CHSY1: variants seen among roughly 807,000 people sequenced by gnomAD.
The protein encoded by CHSY1 is chondroitin sulfate synthase 1.
Under a neutral mutation model 59.8 loss-of-function variants are expected in CHSY1, and 13 were observed. That is an observed-to-expected ratio of 0.22 (90% CI 0.14 to 0.35). The LOEUF is 0.35. Ranked by LOEUF, CHSY1 falls within the 10% of genes least tolerant of loss-of-function variation. The pLI, the probability that CHSY1 is intolerant of heterozygous loss-of-function variation, is 1.00. For synonymous variants in CHSY1, 459 were observed against 401.2 expected, an observed-to-expected ratio of 1.14 and a Z score of -1.72; for missense variants, 947 against 1,030.6, an observed-to-expected ratio of 0.92 and a Z score of 1.11.
At chr15:101,192,930 C>A in intron 2 of CHSY1, among the ~76,000 whole-genome samples, 1 of 152,204 alleles carries the variant, frequency 6.6e-6, no homozygotes, top group Non-Finnish European at 1.5e-5. Context: ...CTTATTACCA[C>A]TCCTCTCCCA....
At chr15:101,209,468 A>G (rs2038661504) in intron 2 of CHSY1, among the ~76,000 whole-genome samples, 1 of 152,200 alleles carries the variant, frequency 6.6e-6, no homozygotes, top group East Asian at 1.9e-4. Flanking sequence ...AGCGATATAT[A>G]CCTGTATGCC....
At chr15:101,204,829 C>G (rs1194918174) in intron 2 of CHSY1, among the ~76,000 whole-genome samples, 1 of 152,138 alleles carries the variant, frequency 6.6e-6, no homozygotes, top group Non-Finnish European at 1.5e-5. Context: ...TGCTTGAACC[C>G]AGGAGCCGAA....
chr15:101,199,498 G>A (rs902844658), intron 2 of CHSY1, among the ~76,000 whole-genome samples: 12 of 152,262 alleles, frequency 7.9e-5, no homozygotes, highest in African/African-American at 2.6e-4. Flanking sequence ...GTGAGACTCC[G>A]TCTCAAAAAC....
chr15:101,249,510 A>AT (rs34753057), intron 1 of CHSY1, among the ~76,000 whole-genome samples: 5,144 of 112,948 alleles, frequency 0.046, 421 homozygotes, highest in East Asian at 0.21. Context: ...GATAGATAGA[A>AT]TTTTTTTTTT....
In CHSY1 at chr15:101,196,995, T is replaced by C. The variant is rs142488708; in HGVS notation, c.817-18015A>G. Reference sequence around the variant, plus strand: ...AGCATGTTTAGTCTTAATTCTTTTATTCTTTGTTTACCTACTTCACAAGTA... The same window carrying C: ...AGCATGTTTAGTCTTAATTCTTTTACTCTTTGTTTACCTACTTCACAAGTA... On this transcript the variant is annotated intron_variant, in intron 2 of 2. Coordinates refer to ENST00000254190, the MANE Select transcript of CHSY1 (RefSeq NM_014918.5). Among the ~76,000 whole-genome samples the C allele has an allele frequency of 3.9e-3, 590 of 152,394 alleles. 2 individuals are homozygous for C. Among genetic ancestry groups the C allele is most frequent in the Non-Finnish European group, 5.8e-3 (392 of 68,038 alleles).
chr15:101,233,349 TTC>T (rs908784061), intron 2 of CHSY1, among the ~76,000 whole-genome samples: 1 of 152,094 alleles, frequency 6.6e-6, no homozygotes, highest in African/African-American at 2.4e-5. Flanking sequence ...CTTTTAAAAA[TTC>T]TCTCCCGAAA....
intron 1 of CHSY1, among the ~76,000 whole-genome samples, chr15:101,238,913 A>C (rs1290435686): frequency 6.6e-6 from 1 of 152,218 alleles, no homozygotes; most frequent in African/African-American, 2.4e-5. Context: ...CCACCTACAA[A>C]GGGACAAGTC....
chr15:101,247,226 T>C (rs975283518), intron 1 of CHSY1, among the ~76,000 whole-genome samples: 7 of 152,280 alleles, frequency 4.6e-5, no homozygotes, highest in Admixed American at 4.6e-4. Context: ...ACTGGCCTTC[T>C]TGGTGTTCCT....
chr15:101,204,298 G>C (rs943981137), intron 2 of CHSY1, among the ~76,000 whole-genome samples: 1 of 152,076 alleles, frequency 6.6e-6, no homozygotes, highest in Admixed American at 6.5e-5. Flanking sequence ...GCTGGGCGTG[G>C]TGGCGTGCAC....
Position 101,177,826 on chromosome 15 carries a change from T to A in CHSY1, c.1971A>T (p.Pro657=). The A allele has an allele frequency of 1.9e-6, 3 of 1,614,224 alleles. No individual in the cohort carries two copies. Among genetic ancestry groups the A allele is most frequent in the Non-Finnish European group, 2.5e-6 (3 of 1,180,036 alleles). The change falls in exon 3 of 3, where the codon CCA becomes CCT. Residue 657 remains proline (P), a synonymous_variant. Transcript: ENST00000254190. ...NTVLGQQIYF[P]IIFSQYDPKI... is the part of the protein sequence containing the mutation. ...TTGGGTCATACTGGCTGAAGATGAT[T>A]GGAAAATATATTTGTTGGCCCAGAA...
chr15:101,233,909 A>G (rs547376697), intron 2 of CHSY1, among the ~76,000 whole-genome samples: 1 of 152,346 alleles, frequency 6.6e-6, no homozygotes, highest in East Asian at 1.9e-4. Flanking sequence ...TTCAGAAAAA[A>G]GCTAACAGTT....
chr15:101,211,435 A>G (rs1567097343), intron 2 of CHSY1, among the ~76,000 whole-genome samples: 1 of 152,214 alleles, frequency 6.6e-6, no homozygotes, highest in African/African-American at 2.4e-5. Context: ...TTAGAGTGAA[A>G]AAGAATACTG....
intron 2 of CHSY1, among the ~76,000 whole-genome samples, chr15:101,180,808 T>G (rs2038267677): frequency 6.6e-6 from 1 of 152,182 alleles, no homozygotes. Context: ...CTTATCTCTC[T>G]TTTTACTTTG....
At chr15:101,198,017 C>T (rs939652150) in intron 2 of CHSY1, among the ~76,000 whole-genome samples, 11 of 152,154 alleles carry the variant, frequency 7.2e-5, no homozygotes, top group Admixed American at 3.3e-4. Context: ...GCGACCTCAT[C>T]GCCAATGTAT....
intron 2 of CHSY1, among the ~76,000 whole-genome samples, chr15:101,199,140 A>C (rs958796851): frequency 2.6e-5 from 4 of 151,874 alleles, no homozygotes. Context: ...ACACCAAGAC[A>C]CTCTGTTACA....
intron 2 of CHSY1, among the ~76,000 whole-genome samples, chr15:101,195,558 A>C (rs923646773): frequency 2.0e-5 from 3 of 152,238 alleles, no homozygotes; most frequent in Non-Finnish European, 4.4e-5. Flanking sequence ...GTGGTGGCCC[A>C]TGCCTCTAAT....
intron 2 of CHSY1, among the ~76,000 whole-genome samples, chr15:101,211,084 G>A (rs544205211): frequency 6.6e-6 from 1 of 152,236 alleles, no homozygotes; most frequent in South Asian, 2.1e-4. Flanking sequence ...AGCACTTGGG[G>A]AGGCTGAGGA....
chr15:101,214,840 G>A (rs930567478), intron 2 of CHSY1, among the ~76,000 whole-genome samples: 1 of 130,262 alleles, frequency 7.7e-6, no homozygotes, highest in Non-Finnish European at 1.6e-5. Context: ...ATAGGTGGGA[G>A]GTGGCTGGAT....
In CHSY1 at chr15:101,251,175, G is replaced by A; in HGVS notation, c.282C>T (p.Ala94=). Residue 94 remains alanine, a synonymous_variant, in exon 1 of 3, where the codon GCC becomes GCT. Transcript: ENST00000254190. Reference sequence around the variant, plus strand: ...CGGCCCGAGTCTGCAGGTATTTCTGGGCGGTCATGACTCCCACGAAGAGAA... The same window carrying A: ...CGGCCCGAGTCTGCAGGTATTTCTGAGCGGTCATGACTCCCACGAAGAGAA... The part of the protein sequence containing the change: ...RNFLFVGVMT[A]QKYLQTRAVA... 6.3e-7 allele frequency: 1 copy of A among 1,599,212 alleles called. No homozygotes were observed. The highest frequency in any genetic ancestry group is 8.5e-7 in the Non-Finnish European group (1 of 1,176,064).
Sources: allele counts gnomAD v4.1 joint callset (sites outside exome capture counted in the v4.1 genomes callset), GRCh38; gene constraint gnomAD v4.1.1; transcripts MANE v1.5; gene names NCBI Gene and HGNC (gene_info 2026-07-23, HGNC 2026-07-21).